KIF26B: variants seen among roughly 807,000 people sequenced by gnomAD.
The protein encoded by KIF26B is kinesin-like protein KIF26B.
Under a neutral mutation model 151.2 loss-of-function variants are expected in KIF26B, and 63 were observed. The observed-to-expected ratio is 0.42, with a 90% CI of 0.34 to 0.51. KIF26B has a LOEUF of 0.51. Among genes scored for constraint, KIF26B ranks in the 20% least tolerant of loss-of-function variants. The pLI is 0.07. For synonymous variants in KIF26B, 1,357 were observed against 1,262.1 expected (o/e 1.08, Z -1.59); for missense variants, 2,813 against 2,913.6 (o/e 0.97, Z 0.79).
intron 5 of KIF26B, among the ~76,000 whole-genome samples, chr1:245,582,624 C>G (rs547007608): frequency 2.0e-5 from 3 of 152,178 alleles, no homozygotes; most frequent in East Asian, 3.9e-4. Flanking sequence ...TGGGCTTGAT[C>G]GAGAGGATTT....
intron 2 of KIF26B, among the ~76,000 whole-genome samples, chr1:245,190,632 TTGTTTTG>T (rs1445012602): frequency 2.0e-5 from 2 of 97,906 alleles, no homozygotes; most frequent in African/African-American, 6.8e-5. Flanking sequence ...CCTGAATGTT[TTGTTTTG>T]TTTTTTTTTT....
At chr1:245,157,171 T>G (rs1004487764) in intron 2 of KIF26B, among the ~76,000 whole-genome samples, 2 of 152,218 alleles carry the variant, frequency 1.3e-5, no homozygotes, top group African/African-American at 4.8e-5. Flanking sequence ...AAAGCCAGCA[T>G]TTTCCCCTTC....
At position 245,671,775 on chromosome 1, in the gene KIF26B, G is replaced by A. The variant is rs146306900; in HGVS notation, c.2259-12458G>A. 6.6e-5 allele frequency among the ~76,000 whole-genome samples: 10 copies of A among 152,308 alleles called. No homozygotes were observed. In the East Asian group the frequency reaches 1.7e-3, roughly 26 times the overall value. On this transcript the variant is annotated intron_variant, in intron 10 of 14. Transcript: ENST00000407071. The stretch of plus-strand genomic sequence containing the variant: ...AGTGGATGATAATGAGTGGATTCAT[G>A]GATTTGAGCAGGACATGAAACAATT...
chr1:245,279,309 T>TC (rs996737490), intron 2 of KIF26B, among the ~76,000 whole-genome samples: 6 of 149,116 alleles, frequency 4.0e-5, no homozygotes, highest in South Asian at 2.1e-4. Context: ...TTTCTTTCTT[T>TC]TTTTTTTTTT....
At chr1:245,586,033 G>C (rs1049701682) in intron 5 of KIF26B, among the ~76,000 whole-genome samples, 1 of 152,122 alleles carries the variant, frequency 6.6e-6, no homozygotes, top group African/African-American at 2.4e-5. Context: ...CTGCCTCTGT[G>C]ACCCAGGCTG....
rs907736787 is a variant in KIF26B at position 245,667,761 on chromosome 1, G to A, written c.2259-16472G>A. ...TCCAGGCAACTCACCAAGTCCCTTC[G>A]CAGCACTCCTGAAAAGCTCTGAGAT... On this transcript the variant is annotated intron_variant, in intron 10 of 14. Coordinates refer to ENST00000407071, the MANE Select transcript of KIF26B (RefSeq NM_018012.4). The surrounding 1 kb of genome is among the most constrained non-coding windows in gnomAD (Gnocchi z 4.3). Among the ~76,000 whole-genome samples the A allele has an allele frequency of 6.6e-5, 10 of 152,180 alleles. No individual in the cohort carries two copies. The highest frequency in any genetic ancestry group is 2.0e-4 in the Admixed American group (3 of 15,280).
chr1:245,705,845 CTTG>C lies in KIF26B; in HGVS notation c.*3244_*3246del, dbSNP rs2044834122. ...CCACCTGCGAGCTGCAAACTTTGAT[CTTG>C]TTGTCCTTGAATTCCCCTCTACATC... On this transcript the variant is annotated 3_prime_UTR_variant, in exon 15 of 15. Coordinates refer to ENST00000407071, the MANE Select transcript of KIF26B (RefSeq NM_018012.4). The C allele has an allele frequency of 6.6e-6, 1 of 152,224 alleles. No homozygotes were observed. The highest frequency in any genetic ancestry group is 1.9e-4 in the East Asian group (1 of 5,192). 9.4% of individuals were successfully genotyped at this position (152,224 alleles called of 1,614,324 possible). A position where few individuals can be genotyped will look rare whatever the true frequency, so the allele number is the denominator to read the frequency against.
chr1:245,667,119 G>A lies in KIF26B; in HGVS notation c.2259-17114G>A, dbSNP rs989974137. On this transcript the variant is annotated intron_variant, in intron 10 of 14. Coordinates refer to ENST00000407071, the MANE Select transcript of KIF26B (RefSeq NM_018012.4). This position sits in a 1 kb window ranked among gnomAD's most constrained non-coding sequence, Gnocchi z 4.3. ...GCTGAAAGCATCTCTCTGCTGTGAC[G>A]TAGGAGGGACCGTGAGCCTTATGCT... Among the ~76,000 whole-genome samples the A allele has an allele frequency of 3.9e-5, 6 of 152,268 alleles. No homozygotes were observed. Among genetic ancestry groups the A allele is most frequent in the East Asian group, 1.9e-4 (1 of 5,172 alleles).
chr1:245,224,847 C>T (rs10924125), intron 2 of KIF26B, among the ~76,000 whole-genome samples: 49,469 of 152,028 alleles, frequency 0.33, 8,483 homozygotes, highest in East Asian at 0.61. Context: ...TTACTGATAA[C>T]GGTTTCAGGG....
At position 245,581,158 on chromosome 1, in the gene KIF26B, C is replaced by G. The variant is rs532344017; in HGVS notation, c.1351-21419C>G. On this transcript the variant is annotated intron_variant, in intron 5 of 14. Transcript: ENST00000407071. The stretch of plus-strand genomic sequence containing the variant: ...ACATGAGGAGAAATCAAATGCTCAC[C>G]CTTTGGACATCCATCCTTTTGGTCC... Among the ~76,000 whole-genome samples, 6 of 152,274 alleles carry G rather than the reference C, an allele frequency of 3.9e-5. No individual in the cohort carries two copies. The East Asian group carries it at 1.2e-3, about 29-fold the overall frequency.
At chr1:245,329,137 A>G (rs1357578500) in intron 2 of KIF26B, among the ~76,000 whole-genome samples, 3 of 152,050 alleles carry the variant, frequency 2.0e-5, no homozygotes, top group Non-Finnish European at 4.4e-5. Flanking sequence ...GTGGTTTTCT[A>G]TTTTCTGGAG....
intron 2 of KIF26B, among the ~76,000 whole-genome samples, chr1:245,176,986 C>T (rs1047694512): frequency 4.6e-5 from 7 of 152,162 alleles, no homozygotes; most frequent in Non-Finnish European, 1.0e-4. Context: ...GGGAGGGTTT[C>T]GTTCTGTCGC....
At chr1:245,452,822 T>G (rs552467551) in intron 4 of KIF26B, among the ~76,000 whole-genome samples, 1 of 152,298 alleles carries the variant, frequency 6.6e-6, no homozygotes, top group South Asian at 2.1e-4. Flanking sequence ...CTTTATATAT[T>G]CTGGATACAA....
chr1:245,189,488 C>T (rs551366047), intron 2 of KIF26B, among the ~76,000 whole-genome samples: 3 of 152,284 alleles, frequency 2.0e-5, no homozygotes, highest in Non-Finnish European at 2.9e-5. Flanking sequence ...TGTTTACAGA[C>T]GATTTTACAC....
chr1:245,670,539 AG>A (rs1197902921), intron 10 of KIF26B, among the ~76,000 whole-genome samples: 1 of 150,404 alleles, frequency 6.6e-6, no homozygotes, highest in African/African-American at 2.4e-5. Flanking sequence ...TAAAAAAAAA[AG>A]AATTGAAAGC....
intron 2 of KIF26B, among the ~76,000 whole-genome samples, chr1:245,220,904 T>A (rs1463351097): frequency 6.6e-6 from 1 of 152,044 alleles, no homozygotes; most frequent in Non-Finnish European, 1.5e-5. Context: ...CAGTTTTATC[T>A]GCAGGATGCT....
intron 7 of KIF26B, 148 bp downstream of exon 7, chr1:245,607,892 G>A (rs2103150911): frequency 1.3e-5 from 8 of 632,494 alleles, no homozygotes; most frequent in South Asian, 2.2e-5. Flanking sequence ...CAAGTTATAC[G>A]ACGAAAACCT....
chr1:245,609,138 G>C (rs1339105098), intron 7 of KIF26B, 128 bp from the exon 8 acceptor site: 1 of 831,942 alleles, frequency 1.2e-6, no homozygotes, highest in Non-Finnish European at 1.8e-6. Flanking sequence ...TCATCTTTTT[G>C]TTCCTTCTCT....
chr1:245,591,125 A>T (rs2043285337), intron 5 of KIF26B, among the ~76,000 whole-genome samples: 1 of 151,184 alleles, frequency 6.6e-6, no homozygotes, highest in African/African-American at 2.5e-5. Flanking sequence ...TTATTTATTG[A>T]GGACGTACTT....
Sources: gnomAD v4.1 joint callset for allele counts (sites outside exome capture counted in the v4.1 genomes callset) on GRCh38, gnomAD v4.1.1 for gene constraint, Gnocchi (gnomAD v3.1) non-coding constraint, MANE v1.5 for transcripts, NCBI Gene and HGNC (gene_info 2026-07-23, HGNC 2026-07-21) for gene names.